CFAP54: variants seen among roughly 807,000 people sequenced by gnomAD.
CFAP54 encodes the protein cilia and flagella associated protein 54, also known as cilia- and flagella-associated protein 54.
In CFAP54, 290 loss-of-function variants were observed where a neutral mutation model predicts 370.4. The observed-to-expected ratio is 0.78, with a 90% CI of 0.71 to 0.86. CFAP54 has a LOEUF of 0.86. Ranked by LOEUF, CFAP54 falls within the 40% of genes least tolerant of loss-of-function variation. The probability of loss-of-function intolerance (pLI) is 0.00; values close to 1 mark genes in which losing one functional copy is unlikely to be tolerated. For missense variants in CFAP54, 3,399 were observed against 3,528.7 expected, an observed-to-expected ratio of 0.96 and a Z score of 0.93; for synonymous variants, 1,206 against 1,236.5, an observed-to-expected ratio of 0.98 and a Z score of 0.52.
intron 48 of CFAP54, among the ~76,000 whole-genome samples, chr12:96,712,697 T>G (rs570333005): frequency 6.6e-6 from 1 of 152,152 alleles, no homozygotes; most frequent in Non-Finnish European, 1.5e-5. Flanking sequence ...CTTCCCAGCC[T>G]CTAGTAACCA....
chr12:96,636,231 T>A (rs1357769406), intron 32 of CFAP54, among the ~76,000 whole-genome samples: 1 of 152,184 alleles, frequency 6.6e-6, no homozygotes, highest in East Asian at 1.9e-4. Flanking sequence ...CAAATATGTA[T>A]TTTTATTATA....
chr12:96,854,720 C>T (rs1022323526), intron 66 of CFAP54, among the ~76,000 whole-genome samples: 73 of 152,176 alleles, frequency 4.8e-4, no homozygotes, highest in African/African-American at 1.7e-3. Context: ...TCATTGTATG[C>T]CAGGTACCAT....
rs763269491 is a variant in CFAP54, at chr12:96,563,246, G to C, written c.2411-1222G>C. 4.7e-4 allele frequency among the ~76,000 whole-genome samples: 71 copies of C among 152,162 alleles called. 2 individuals carry two copies. The highest frequency in any genetic ancestry group is 1.1e-3 in the Admixed American group (17 of 15,276). On this transcript the variant is annotated intron_variant, in intron 17 of 67. Transcript: ENST00000524981. ...TTGAGTTCAGATGTAAATGGAATTA[G>C]TTATTATTTCCTTGCAATATCTCTG...
chr12:96,826,874 T>C (rs1959119280), intron 65 of CFAP54, among the ~76,000 whole-genome samples: 1 of 121,946 alleles, frequency 8.2e-6, no homozygotes. Context: ...AATATTATGA[T>C]ATATTATATA....
intron 65 of CFAP54, among the ~76,000 whole-genome samples, chr12:96,825,834 A>C (rs1251752820): frequency 1.5e-5 from 2 of 134,172 alleles, no homozygotes; most frequent in South Asian, 4.4e-4. Context: ...AAATTAGTAT[A>C]TAATATAATT....
chr12:96,663,237 T>G lies in CFAP54; in HGVS notation c.5461-593T>G, dbSNP rs1279001052. 3.3e-5 allele frequency among the ~76,000 whole-genome samples: 5 copies of G among 152,292 alleles called. No individual in the cohort carries two copies. The East Asian group carries it at 9.6e-4, about 29-fold the overall frequency. On this transcript the variant is annotated intron_variant, in intron 38 of 67. Transcript: ENST00000524981. ...TAAAGAAGAAGCATCTATATCAGAC[T>G]GGGGTTCCAGGAGGACTGTATTTTG...
At chr12:96,539,295 G>T (rs1256226852) in intron 13 of CFAP54, among the ~76,000 whole-genome samples, 1 of 151,548 alleles carries the variant, frequency 6.6e-6, no homozygotes, top group Non-Finnish European at 1.5e-5. Context: ...TCCTGACCTC[G>T]TGATCTACCT....
At chr12:96,693,407 T>G (rs557207425) in intron 44 of CFAP54, among the ~76,000 whole-genome samples, 1 of 152,320 alleles carries the variant, frequency 6.6e-6, no homozygotes, top group Admixed American at 6.5e-5. Flanking sequence ...TTATGTTGAG[T>G]TAATCATTTT....
chr12:96,716,117 A>G (rs577509462), intron 48 of CFAP54, among the ~76,000 whole-genome samples: 10 of 152,316 alleles, frequency 6.6e-5, no homozygotes, highest in East Asian at 3.9e-4. Context: ...TGTCCATTCA[A>G]TTTCAATAAC....
At chr12:96,692,308 G>A (rs1159392889) in intron 44 of CFAP54, among the ~76,000 whole-genome samples, 3 of 151,974 alleles carry the variant, frequency 2.0e-5, no homozygotes, top group Non-Finnish European at 1.5e-5. Flanking sequence ...ATTCATTTCT[G>A]GGTTGAAGAA....
intron 39 of CFAP54, among the ~76,000 whole-genome samples, chr12:96,665,044 T>C (rs1319178641): frequency 2.6e-5 from 4 of 151,906 alleles, no homozygotes; most frequent in African/African-American, 9.7e-5. Context: ...ATTGTTGTTT[T>C]GATTTGCATT....
intron 38 of CFAP54, among the ~76,000 whole-genome samples, chr12:96,658,616 CTT>C (rs11316052): frequency 1.4e-5 from 2 of 147,948 alleles, no homozygotes; most frequent in Non-Finnish European, 1.5e-5. Context: ...GCCCAGAGTA[CTT>C]TTTTTTTTTG....
intron 19 of CFAP54, among the ~76,000 whole-genome samples, chr12:96,567,667 A>G (rs1481987591): frequency 6.6e-6 from 1 of 152,090 alleles, no homozygotes; most frequent in Non-Finnish European, 1.5e-5. Context: ...TGGTCTTACT[A>G]CTAATCTTGG....
At chr12:96,856,806 C>T (rs1959716675) in intron 66 of CFAP54, among the ~76,000 whole-genome samples, 1 of 151,466 alleles carries the variant, frequency 6.6e-6, no homozygotes, top group Admixed American at 6.6e-5. Flanking sequence ...CTGTTACTCA[C>T]TTCCAAAGTC....
intron 67 of CFAP54, among the ~76,000 whole-genome samples, chr12:96,869,317 G>A (rs753198361): frequency 2.6e-5 from 4 of 151,972 alleles, no homozygotes; most frequent in Non-Finnish European, 4.4e-5. Flanking sequence ...ACACCAAAAC[G>A]GCTATTTCTC....
In CFAP54 at chr12:96,679,619, G is replaced by T; in HGVS notation, c.5583G>T (p.Ala1861=). ...LISSEYSRAK[A]LVCVPVDVTD... ...TTTCAGAATACAGCCGAGCCAAAGC[G>T]CTTGTCTGCGTGCCCGTGGACGTGA... Residue 1861 remains alanine, a synonymous_variant, in exon 40 of 68, where the codon GCG becomes GCT. Transcript: ENST00000524981. 6.2e-7 allele frequency: 1 copy of T among 1,612,606 alleles called. No individual in the cohort carries two copies.
chr12:96,868,735 G>A (rs534510509), intron 67 of CFAP54, among the ~76,000 whole-genome samples: 16 of 152,268 alleles, frequency 1.1e-4, no homozygotes, highest in Non-Finnish European at 1.8e-4. Flanking sequence ...ATGGAGCCAG[G>A]AGTTGAGCCC....
At chr12:96,771,477 C>T (rs1314250153) in intron 60 of CFAP54, among the ~76,000 whole-genome samples, 1 of 152,072 alleles carries the variant, frequency 6.6e-6, no homozygotes, top group Non-Finnish European at 1.5e-5. Flanking sequence ...ACGGTGAAAC[C>T]CCGTCTCTAC....
In CFAP54 at chr12:96,718,486, A is replaced by C; in HGVS notation, c.6768A>C (p.Thr2256=). The C allele has an allele frequency of 1.3e-6, 2 of 1,581,710 alleles. No homozygotes were observed. Among genetic ancestry groups the C allele is most frequent in the Non-Finnish European group, 1.7e-6 (2 of 1,151,624 alleles). Residue 2256 remains threonine (T), a synonymous_variant, in exon 49 of 68, where the codon ACA becomes ACC. Coordinates refer to ENST00000524981, the MANE Select transcript of CFAP54 (RefSeq NM_001306084.2). Reference sequence around the variant, plus strand: ...ATGGAAGTTCATTTTATAATCTTACAAAACTTAAAGATGAGATCACTCTTA... The same window carrying C: ...ATGGAAGTTCATTTTATAATCTTACCAAACTTAAAGATGAGATCACTCTTA... ...KDDGSSFYNL[T]KLKDEITLSM...
Sources: allele counts gnomAD v4.1 joint callset (sites outside exome capture counted in the v4.1 genomes callset), GRCh38; gene constraint gnomAD v4.1.1; transcripts MANE v1.5; gene names NCBI Gene and HGNC (gene_info 2026-07-23, HGNC 2026-07-21).